PHACTR1: variants seen among roughly 807,000 people sequenced by gnomAD.
The protein encoded by PHACTR1 is phosphatase and actin regulator 1.
PHACTR1 carries 16 observed loss-of-function variants against 69.2 expected under a neutral mutation model. The observed-to-expected ratio is 0.23, with a 90% CI of 0.16 to 0.35. PHACTR1 has a LOEUF of 0.35. Ranked by LOEUF, PHACTR1 falls within the 10% of genes least tolerant of loss-of-function variation. The probability of loss-of-function intolerance (pLI) is 1.00; values close to 1 mark genes in which losing one functional copy is unlikely to be tolerated. For synonymous variants in PHACTR1, 312 were observed against 284.5 expected (o/e 1.10, Z -0.97); for missense variants, 510 against 734.7 (o/e 0.69, Z 3.54).
chr6:13,020,321 G>C (rs889048341), intron 4 of PHACTR1, among the ~76,000 whole-genome samples: 18 of 152,234 alleles, frequency 1.2e-4, no homozygotes, highest in Admixed American at 8.5e-4. Context: ...CCCAAGTCCA[G>C]AGGAAGGATA....
chr6:12,832,035 G>T (rs1777635246), intron 4 of PHACTR1, among the ~76,000 whole-genome samples: 1 of 152,076 alleles, frequency 6.6e-6, no homozygotes, highest in South Asian at 2.1e-4. Context: ...TTGAGCCTAA[G>T]AGTTTAAGGC....
At chr6:12,772,432 C>T (rs1044637890) in intron 4 of PHACTR1, among the ~76,000 whole-genome samples, 1 of 152,132 alleles carries the variant, frequency 6.6e-6, no homozygotes, top group Non-Finnish European at 1.5e-5. Context: ...TTTTAGATAG[C>T]AATAAGGAAT....
chr6:13,115,377 A>ACT (rs949912165), intron 5 of PHACTR1, among the ~76,000 whole-genome samples: 1 of 151,550 alleles, frequency 6.6e-6, no homozygotes, highest in Non-Finnish European at 1.5e-5. Flanking sequence ...CAACACAAAC[A>ACT]CTCTCTCTCT....
At chr6:13,140,328 G>T (rs891582799) in intron 5 of PHACTR1, among the ~76,000 whole-genome samples, 1 of 152,064 alleles carries the variant, frequency 6.6e-6, no homozygotes, top group Admixed American at 6.6e-5. Context: ...AGAGAGAGAT[G>T]CATATCCATG....
chr6:12,865,784 T>A (rs1275336660), intron 4 of PHACTR1, among the ~76,000 whole-genome samples: 1 of 152,200 alleles, frequency 6.6e-6, no homozygotes, highest in Non-Finnish European at 1.5e-5. Flanking sequence ...CTTGATCTTA[T>A]TGGATGTGGG....
At chr6:13,213,091 A>C (rs1045395753) in intron 8 of PHACTR1, among the ~76,000 whole-genome samples, 2 of 146,732 alleles carry the variant, frequency 1.4e-5, no homozygotes, top group Admixed American at 6.7e-5. Flanking sequence ...TATAGGTTTG[A>C]GTGAGTGAGT....
chr6:13,254,620 C>G (rs1349756740), intron 10 of PHACTR1, among the ~76,000 whole-genome samples: 1 of 152,164 alleles, frequency 6.6e-6, no homozygotes, highest in East Asian at 1.9e-4. Flanking sequence ...AAGGTTCCAG[C>G]AGGAAACAGA....
chr6:13,063,927 T>C (rs2127757554), intron 5 of PHACTR1, among the ~76,000 whole-genome samples: 1 of 152,280 alleles, frequency 6.6e-6, no homozygotes, highest in Middle Eastern at 3.4e-3. Flanking sequence ...CCTAATGCAA[T>C]AGGAAATTAT....
intron 4 of PHACTR1, among the ~76,000 whole-genome samples, chr6:13,029,432 G>T (rs1007081455): frequency 3.3e-5 from 5 of 152,168 alleles, no homozygotes; most frequent in African/African-American, 7.2e-5. Context: ...GTGGGGCTGA[G>T]CAAGCTATAG....
intron 4 of PHACTR1, among the ~76,000 whole-genome samples, chr6:12,856,255 C>CTT (rs66541950): frequency 0.011 from 1,499 of 135,756 alleles, 32 homozygotes; most frequent in Admixed American, 0.031. Context: ...TTCTTTCTTT[C>CTT]TTTTTTTTTT....
intron 1 of PHACTR1, 94 bp from the exon 2 acceptor site, chr6:12,717,415 G>A (rs1761528884): frequency 6.6e-6 from 1 of 151,878 alleles, no homozygotes; most frequent in Non-Finnish European, 1.5e-5. Flanking sequence ...GAGATAGGGG[G>A]CTGGGGAATA....
intron 4 of PHACTR1, among the ~76,000 whole-genome samples, chr6:12,924,361 G>A (rs9472977): frequency 0.013 from 1,989 of 152,208 alleles, 48 homozygotes; most frequent in African/African-American, 0.045. Flanking sequence ...GGTCTTATGT[G>A]TGTTTCTACA....
At chr6:13,027,345 G>A (rs773115659) in intron 4 of PHACTR1, among the ~76,000 whole-genome samples, 5 of 152,146 alleles carry the variant, frequency 3.3e-5, no homozygotes, top group Non-Finnish European at 7.3e-5. Flanking sequence ...GGTCAGTACT[G>A]TTGTATCCAG....
At chr6:12,733,990 A>T (rs1763909315) in intron 3 of PHACTR1, among the ~76,000 whole-genome samples, 1 of 152,130 alleles carries the variant, frequency 6.6e-6, no homozygotes, top group African/African-American at 2.4e-5. Context: ...TCTCTGCCCA[A>T]CTCAGTTCAA....
intron 6 of PHACTR1, among the ~76,000 whole-genome samples, chr6:13,174,263 C>G (rs1306905504): frequency 1.3e-5 from 2 of 152,190 alleles, no homozygotes; most frequent in East Asian, 3.8e-4. Flanking sequence ...AGGCAATTAG[C>G]AAATGCTTGC....
intron 10 of PHACTR1, among the ~76,000 whole-genome samples, chr6:13,238,032 A>C (rs1772268326): frequency 6.6e-6 from 1 of 152,070 alleles, no homozygotes; most frequent in South Asian, 2.1e-4. Context: ...CATATTCCTA[A>C]AAATGAGCAC....
chr6:12,912,384 G>T (rs1562004698), intron 4 of PHACTR1, among the ~76,000 whole-genome samples: 2 of 152,194 alleles, frequency 1.3e-5, no homozygotes, highest in Non-Finnish European at 2.9e-5. Flanking sequence ...GCCTATGTTG[G>T]TAATTTTTTC....
intron 8 of PHACTR1, among the ~76,000 whole-genome samples, chr6:13,225,212 T>G (rs907428796): frequency 1.3e-5 from 2 of 152,238 alleles, no homozygotes; most frequent in African/African-American, 4.8e-5. Flanking sequence ...GGATATTTAT[T>G]AATAGAATGT....
chr6:13,215,752 A>G (rs1160269645), intron 8 of PHACTR1, among the ~76,000 whole-genome samples: 3 of 152,226 alleles, frequency 2.0e-5, no homozygotes, highest in Non-Finnish European at 2.9e-5. Context: ...TGCAGATTAG[A>G]TATATTGAAG....
Sources: allele counts gnomAD v4.1 joint callset (sites outside exome capture counted in the v4.1 genomes callset), GRCh38; gene constraint gnomAD v4.1.1; transcripts MANE v1.5; gene names NCBI Gene and HGNC (gene_info 2026-07-23, HGNC 2026-07-21).